The following C5 variants were observed in gnomAD, a reference collection of about 807,000 sequenced individuals.
C5 encodes the protein C3 and PZP-like alpha-2-macroglobulin domain-containing protein 4.
A neutral mutation model predicts 218.8 loss-of-function variants in C5; 140 were observed. The observed-to-expected ratio is 0.64, with a 90% CI of 0.56 to 0.74. C5 has a LOEUF of 0.74. Among genes scored for constraint, C5 ranks in the 30% least tolerant of loss-of-function variants. The pLI is 0.00. For missense variants in C5, 1,700 were observed against 1,969.6 expected (o/e 0.86, Z 2.59); for synonymous variants, 614 against 682.3 (o/e 0.90, Z 1.56).
At chr9:121,017,251 G>GT (rs1480799586) in intron 14 of C5, 111 bp downstream of exon 14, 108 of 1,254,342 alleles carry the variant, frequency 8.6e-5, no homozygotes, top group Non-Finnish European at 1.2e-4. Flanking sequence ...AAATGAGTAT[G>GT]TTGAGTAGAT....
chr9:120,967,885 C>G (rs1395230573), intron 33 of C5, among the ~76,000 whole-genome samples: 1 of 151,914 alleles, frequency 6.6e-6, no homozygotes, highest in Non-Finnish European at 1.5e-5. Flanking sequence ...CCATGTCTGG[C>G]TAATTTTTAA....
At chr9:121,022,771 G>A (rs1174863547) in intron 10 of C5, among the ~76,000 whole-genome samples, 1 of 151,418 alleles carries the variant, frequency 6.6e-6, no homozygotes, top group African/African-American at 2.4e-5. Context: ...CCACATGAAT[G>A]TTTCAATTCT....
chr9:121,022,639 C>T (rs1359488746), intron 10 of C5, among the ~76,000 whole-genome samples: 2 of 147,814 alleles, frequency 1.4e-5, no homozygotes, highest in Non-Finnish European at 3.0e-5. Context: ...TTTCAAAGAA[C>T]AAAAAAAAAT....
chr9:121,001,295 C>T (rs1426398661), intron 20 of C5, among the ~76,000 whole-genome samples: 1 of 151,834 alleles, frequency 6.6e-6, no homozygotes, highest in Admixed American at 6.6e-5. Context: ...GGTAACTTAC[C>T]CCAGAAAAAA....
intron 30 of C5, among the ~76,000 whole-genome samples, chr9:120,974,372 T>C (rs780484414): frequency 2.6e-5 from 4 of 152,214 alleles, no homozygotes; most frequent in Non-Finnish European, 5.9e-5. Context: ...CTCACTGTAC[T>C]GCTCTGTGCG....
intron 3 of C5, among the ~76,000 whole-genome samples, chr9:121,039,206 A>C (rs1348557427): frequency 6.6e-6 from 1 of 152,162 alleles, no homozygotes; most frequent in East Asian, 1.9e-4. Flanking sequence ...GTAATCAATA[A>C]ATGTTTATTT....
chr9:120,954,633 A>G (rs992399926), intron 39 of C5, among the ~76,000 whole-genome samples: 2 of 152,230 alleles, frequency 1.3e-5, no homozygotes, highest in Admixed American at 1.3e-4. Flanking sequence ...TAGACTAGAA[A>G]CTTCTTAAGG....
At chr9:121,030,530 A>C (rs2047465486) in intron 6 of C5, 43 bp from the exon 7 acceptor site, 1 of 1,205,532 alleles carries the variant, frequency 8.3e-7, no homozygotes, top group African/African-American at 1.5e-5. Context: ...TTTTGATTAG[A>C]GCAGACTTTA....
At chr9:121,020,872 C>A (rs2047359243) in intron 11 of C5, among the ~76,000 whole-genome samples, 2 of 152,186 alleles carry the variant, frequency 1.3e-5, no homozygotes, top group South Asian at 4.1e-4. Flanking sequence ...TCTAACTCAT[C>A]TTGCTAATTA....
chr9:120,968,293 G>A (rs2131678217), intron 33 of C5, among the ~76,000 whole-genome samples: 1 of 152,298 alleles, frequency 6.6e-6, no homozygotes, highest in South Asian at 2.1e-4. Context: ...AGTCAGATTG[G>A]AAGATGCTGT....
At chr9:121,056,985 C>A in the C5 span, among the ~76,000 whole-genome samples, 1 of 152,026 alleles carries the variant, frequency 6.6e-6, no homozygotes, top group African/African-American at 2.4e-5. Context: ...TTAAAAGCAG[C>A]AAGAGAAAAG....
In C5 at chr9:121,043,159, G is replaced by T. The variant is rs1464480826; in HGVS notation, c.266C>A (p.Pro89Gln). The T allele has an allele frequency of 1.2e-6, 2 of 1,611,620 alleles. No individual in the cohort carries two copies. ...GTTTTGTCCTCCAGGCAATTGTTTT[G>T]GTTGTATCTGGAAAAGAAATTGTTG... ...FQNSAILTIQPKQLPGGQNPV... is the reference protein window; with the variant it reads ...FQNSAILTIQQKQLPGGQNPV... Residue 89 changes from proline (P) to glutamine (Q), a missense_variant, in exon 3 of 41, where the codon CCA (proline) becomes CAA (glutamine). Coordinates refer to ENST00000223642, the MANE Select transcript of C5 (RefSeq NM_001735.3).
At position 121,021,128 on chromosome 9, in the gene C5, T is replaced by C. The variant is rs138617699; in HGVS notation, c.1302+381A>G. ...TCTAAAGTAGAATGGTTTCTGTAGT[T>C]AGAAAAAAGGGAGGCTTCCATATTT... On this transcript the variant is annotated intron_variant, in intron 11 of 40. Transcript: ENST00000223642. Among the ~76,000 whole-genome samples, 151 of 152,182 alleles carry C rather than the reference T, an allele frequency of 9.9e-4. 1 individual carries two copies. In the East Asian group the frequency reaches 0.029, roughly 29 times the overall value.
In C5 at chr9:121,037,799, T is replaced by C. The variant is rs557844508; in HGVS notation, c.492+82A>G. 2.8e-5 allele frequency: 18 copies of C among 647,112 alleles called. No homozygotes were observed. In the African/African-American group the frequency reaches 3.1e-4, roughly 11 times the overall value. The allele number at this position is 647,112 out of a possible 1,614,324, so 40.1% of individuals were successfully genotyped here. ...TTATGGAACATTGAATGATTTAGTGTAGTGTGAGGACAGGGTTATGAAATG... is the reference window on the plus strand; with the variant it reads ...TTATGGAACATTGAATGATTTAGTGCAGTGTGAGGACAGGGTTATGAAATG... On this transcript the variant is annotated intron_variant, in intron 4 of 40. Coordinates refer to ENST00000223642, the MANE Select transcript of C5 (RefSeq NM_001735.3).
At chr9:121,014,500 C>G (rs2047289705) in intron 16 of C5, among the ~76,000 whole-genome samples, 2 of 152,154 alleles carry the variant, frequency 1.3e-5, no homozygotes, top group African/African-American at 4.8e-5. Context: ...TTTTCAAAAA[C>G]TTCTTATATA....
intron 33 of C5, among the ~76,000 whole-genome samples, chr9:120,964,296 G>A (rs553180763): frequency 2.6e-5 from 4 of 152,272 alleles, no homozygotes; most frequent in African/African-American, 4.8e-5. Flanking sequence ...TGGCTAACAC[G>A]GTGAAACTCC....
At chr9:121,008,650 C>T (rs545025567) in intron 17 of C5, 152 bp from the exon 18 acceptor site, 22 of 665,950 alleles carry the variant, frequency 3.3e-5, no homozygotes, top group East Asian at 1.2e-4. Flanking sequence ...GAATTATAGG[C>T]AGGGTGCAGT....
At chr9:120,995,031 T>G (rs1439574545) in intron 22 of C5, among the ~76,000 whole-genome samples, 1 of 151,992 alleles carries the variant, frequency 6.6e-6, no homozygotes, top group East Asian at 1.9e-4. Context: ...TACCCATAGA[T>G]CATTCACAAT....
At chr9:121,034,590 A>G (rs926409966) in intron 5 of C5, among the ~76,000 whole-genome samples, 7 of 152,296 alleles carry the variant, frequency 4.6e-5, no homozygotes, top group African/African-American at 1.7e-4. Flanking sequence ...TCCTCTTCCC[A>G]ATTTTTATTT....
Sources: allele counts gnomAD v4.1 joint callset (sites outside exome capture counted in the v4.1 genomes callset), GRCh38; gene constraint gnomAD v4.1.1; transcripts MANE v1.5; gene names NCBI Gene and HGNC (gene_info 2026-07-23, HGNC 2026-07-21).